LIAS: variants seen among roughly 807,000 people sequenced by gnomAD.
The protein encoded by LIAS is lipoyl synthase, mitochondrial.
A neutral mutation model predicts 49.4 loss-of-function variants in LIAS; 36 were observed. The ratio of observed to expected loss-of-function variants is 0.73; its 90% CI spans 0.56 to 0.96. The LOEUF (loss-of-function observed/expected upper bound fraction) is 0.96. Ranked by LOEUF, LIAS falls within the 40% of genes least tolerant of loss-of-function variation. The pLI, the probability that LIAS is intolerant of heterozygous loss-of-function variation, is 0.00. For missense variants in LIAS, 399 were observed against 456.3 expected (o/e 0.87, Z 1.14); for synonymous variants, 145 against 155.8 (o/e 0.93, Z 0.52).
At chr4:39,471,027 A>G (rs954288534) in intron 8 of LIAS, among the ~76,000 whole-genome samples, 8 of 152,192 alleles carry the variant, frequency 5.3e-5, no homozygotes, top group African/African-American at 1.7e-4. Flanking sequence ...TCAGCCCTAC[A>G]TGACTGTCTT....
rs765961914 is a variant in LIAS at position 39,467,528 on chromosome 4, A to G, written c.619A>G (p.Ile207Val). 6.3e-7 allele frequency: 1 copy of G among 1,590,686 alleles called. No individual in the cohort carries two copies. Among genetic ancestry groups the G allele is most frequent in the Non-Finnish European group, 8.5e-7 (1 of 1,170,222 alleles). Residue 207 changes from isoleucine to valine, a missense_variant, in exon 7 of 11, where the codon ATC (isoleucine) becomes GTC (valine). Coordinates refer to ENST00000640888, the MANE Select transcript of LIAS (RefSeq NM_006859.4). ...CTCTTTTCCCCTTAGGAATCCAAAA[A>G]TCCTTGTGGAGTGTCTTACTCCTGA... The part of the protein sequence containing the change: ...VSYLKERNPK[I>V]LVECLTPDFR...
chr4:39,471,391 T>A, intron 9 of LIAS, 85 bp downstream of exon 9: 1 of 1,004,736 alleles, frequency 1.0e-6, no homozygotes, highest in African/African-American at 1.6e-5. Flanking sequence ...TGGAGTGTAG[T>A]GGCACAATCT....
At chr4:39,462,553 T>C (rs910851921) in intron 3 of LIAS, among the ~76,000 whole-genome samples, 6 of 152,236 alleles carry the variant, frequency 3.9e-5, no homozygotes, top group African/African-American at 1.4e-4. Context: ...GAATATAAAA[T>C]TAAATATGAA....
intron 4 of LIAS, 64 bp from the exon 5 acceptor site, chr4:39,464,982 C>T (rs1744701280): frequency 7.3e-7 from 1 of 1,377,180 alleles, no homozygotes; most frequent in Non-Finnish European, 1.0e-6. Flanking sequence ...GCTTTATTCT[C>T]TCAACATTAT....
intron 3 of LIAS, among the ~76,000 whole-genome samples, chr4:39,462,767 C>T (rs561348437): frequency 5.2e-4 from 79 of 152,316 alleles, no homozygotes; most frequent in Admixed American, 1.7e-3. Context: ...GGAGGATCAC[C>T]TGAGGTCAGG....
chr4:39,471,763 G>C lies in LIAS; in HGVS notation c.954+457G>C, dbSNP rs927906677. Among the ~76,000 whole-genome samples the C allele has an allele frequency of 5.9e-5, 9 of 151,846 alleles. No individual in the cohort carries two copies. The East Asian group carries it at 1.7e-3, about 29-fold the overall frequency. ...CTGGTCTCGAACTCCTGAGAGCTCA[G>C]GCAATCCACCCGCTTCGGCCTCCCA... On this transcript the variant is annotated intron_variant, in intron 9 of 10. Transcript: ENST00000640888.
intron 3 of LIAS, 82 bp from the exon 4 acceptor site, chr4:39,463,443 T>C (rs1274386226): frequency 7.1e-7 from 1 of 1,413,392 alleles, no homozygotes; most frequent in Non-Finnish European, 9.3e-7. Flanking sequence ...ATGAGAAGTT[T>C]AAAATGTCTA....
chr4:39,469,265 A>G (rs991844446), intron 7 of LIAS: 8 of 152,234 alleles, frequency 5.3e-5, no homozygotes, highest in African/African-American at 1.9e-4. Context: ...CTATAATGTC[A>G]GTTTCAGTTA....
chr4:39,470,222 C>T (rs139941987), intron 8 of LIAS, 58 bp downstream of exon 8: 16 of 1,471,534 alleles, frequency 1.1e-5, no homozygotes, highest in African/African-American at 8.3e-5. Flanking sequence ...TAGCAGGAAC[C>T]CACTCACTTT....
chr4:39,461,903 C>T (rs1193597765), intron 2 of LIAS, among the ~76,000 whole-genome samples: 1 of 152,158 alleles, frequency 6.6e-6, no homozygotes. Flanking sequence ...CCATATTGGC[C>T]AAACTAGTCT....
rs371831096 is a variant in LIAS, at chr4:39,470,083, G to C, written c.802G>C (p.Val268Leu). 4 of 1,613,852 alleles carry C rather than the reference G, an allele frequency of 2.5e-6. No homozygotes were observed. Among genetic ancestry groups the C allele is most frequent in the Non-Finnish European group, 3.4e-6 (4 of 1,179,910 alleles). The change falls in exon 8 of 11, where the codon GTT becomes CTT. Residue 268 changes from valine (V) to leucine (L), a missense_variant. Around this residue, in one of 3 missense-constraint regions of LIAS, gnomAD observed 234 missense variants for 292.2 expected, o/e 0.80. Coordinates refer to ENST00000640888, the MANE Select transcript of LIAS (RefSeq NM_006859.4). ...SLRVLKHAKK[V>L]QPDVISKTSI... ...ACGTGTACTGAAACATGCCAAGAAG[G>C]TTCAGCCTGATGTTATTTCTAAAAC...
chr4:39,459,076 G>T lies in LIAS; in HGVS notation c.-42G>T. Reference sequence around the variant, plus strand: ...TCGACCTGTCCTTTCCCGGGAGTTAGCGATCCCTCAACCCCTGCACTGCGC... The same window carrying T: ...TCGACCTGTCCTTTCCCGGGAGTTATCGATCCCTCAACCCCTGCACTGCGC... On this transcript the variant is annotated 5_prime_UTR_variant, in exon 1 of 11. Transcript: ENST00000640888. The T allele has an allele frequency of 6.2e-7, 1 of 1,611,758 alleles. No individual in the cohort carries two copies. The highest frequency in any genetic ancestry group is 8.5e-7 in the Non-Finnish European group (1 of 1,177,830).
Position 39,467,569 on chromosome 4 carries a change from C to T in LIAS, c.660C>T (p.Leu220=). The change falls in exon 7 of 11, where the codon CTC becomes CTT. Residue 220 remains leucine, a synonymous_variant. Transcript: ENST00000640888. The part of the protein sequence containing the change: ...ECLTPDFRGD[L]KAIEKVALSG... ...TTACTCCTGATTTTCGAGGTGATCTCAAAGCAATAGAAAAAGTTGCTCTGT... is the reference window on the plus strand; with the variant it reads ...TTACTCCTGATTTTCGAGGTGATCTTAAAGCAATAGAAAAAGTTGCTCTGT... 1 of 1,607,104 alleles carries T rather than the reference C, an allele frequency of 6.2e-7. No individual in the cohort carries two copies. Among genetic ancestry groups the T allele is most frequent in the Non-Finnish European group, 8.5e-7 (1 of 1,176,594 alleles).
chr4:39,476,760 G>A (rs1745207373), intron 10 of LIAS: 2 of 248,706 alleles, frequency 8.0e-6, no homozygotes, highest in Admixed American at 5.9e-5. Context: ...GATAGATAGT[G>A]CACATAAAGT....
chr4:39,460,517 G>T (rs890409425), intron 1 of LIAS, among the ~76,000 whole-genome samples: 7 of 127,886 alleles, frequency 5.5e-5, no homozygotes, highest in Non-Finnish European at 1.1e-4. Flanking sequence ...CTGGGCAACA[G>T]AGCAAGACTC....
intron 1 of LIAS, 65 bp downstream of exon 1, chr4:39,459,227 TGCCCAATAATAAAG>T: frequency 6.9e-7 from 1 of 1,450,438 alleles, no homozygotes; most frequent in Non-Finnish European, 9.4e-7. Context: ...AGAGCGCCCA[TGCCCAATAATAAAG>T]GCCAGTGCAT....
chr4:39,478,556 A>C lies in LIAS; in HGVS notation c.*1441A>C, dbSNP rs963751433. Reference sequence around the variant, plus strand: ...TTGGTGTGACTACTTCAGAACCTGCAAAATAGTTTTATGCTGATTACATTT... The same window carrying C: ...TTGGTGTGACTACTTCAGAACCTGCCAAATAGTTTTATGCTGATTACATTT... On this transcript the variant is annotated 3_prime_UTR_variant, in exon 11 of 11. Coordinates refer to ENST00000640888, the MANE Select transcript of LIAS (RefSeq NM_006859.4). The C allele has an allele frequency of 6.6e-6, 1 of 152,244 alleles. No homozygotes were observed. The highest frequency in any genetic ancestry group is 1.5e-5 in the Non-Finnish European group (1 of 68,034). 9.4% of individuals were successfully genotyped at this position (152,244 alleles called of 1,614,324 possible). A position where few individuals can be genotyped will look rare whatever the true frequency, so the allele number is the denominator to read the frequency against.
At chr4:39,466,467 C>G (rs1744759366) in intron 6 of LIAS, 1 of 152,122 alleles carries the variant, frequency 6.6e-6, no homozygotes, top group Admixed American at 6.6e-5. Flanking sequence ...GCCTGTAGTT[C>G]TAGCACTTTG....
chr4:39,460,785 T>C lies in LIAS; in HGVS notation c.46-5T>C, dbSNP rs764526355. 1 of 1,562,366 alleles carries C rather than the reference T, an allele frequency of 6.4e-7. No individual in the cohort carries two copies. The highest frequency in any genetic ancestry group is 2.1e-5 in the Admixed American group (1 of 48,212). ...AATAAACGTCATAATTAACTCTTTC[T>C]TTAGGTATTTGGGAGATATTTTTGC... On this transcript the variant is annotated splice_region_variant and splice_polypyrimidine_tract_variant and intron_variant, in intron 1 of 10. Coordinates refer to ENST00000640888, the MANE Select transcript of LIAS (RefSeq NM_006859.4).
Sources: gnomAD v4.1 joint callset for allele counts (sites outside exome capture counted in the v4.1 genomes callset) on GRCh38, gnomAD v4.1.1 for gene constraint, gnomAD v4.1.1 regional missense constraint, MANE v1.5 for transcripts, NCBI Gene and HGNC (gene_info 2026-07-23, HGNC 2026-07-21) for gene names.